Variants in FAM117B observed in about 807,000 individuals in gnomAD.
FAM117B encodes family with sequence similarity 117 member B.
A neutral mutation model predicts 52.8 loss-of-function variants in FAM117B; 22 were observed. That is an observed-to-expected ratio of 0.42 (90% CI 0.30 to 0.59). FAM117B has a LOEUF of 0.59. Among genes scored for constraint, FAM117B ranks in the 20% least tolerant of loss-of-function variants. The pLI is 0.22. For synonymous variants in FAM117B, 309 were observed against 324.1 expected (o/e 0.95, Z 0.50); for missense variants, 678 against 802.6 (o/e 0.84, Z 1.88).
intron 4 of FAM117B, 150 bp from the exon 5 acceptor site, chr2:202,755,388 G>T (rs1691785760): frequency 8.8e-6 from 7 of 799,332 alleles, no homozygotes; most frequent in East Asian, 7.7e-5. Flanking sequence ...TTTCATACAT[G>T]CTAAGGAGCA....
intron 1 of FAM117B, among the ~76,000 whole-genome samples, chr2:202,652,485 A>G (rs1387824833): frequency 6.6e-6 from 1 of 152,194 alleles, no homozygotes; most frequent in Non-Finnish European, 1.5e-5. Flanking sequence ...TTTAGAATTT[A>G]AGAAAGAGAT....
chr2:202,724,051 C>CTTTTTTTTT lies in FAM117B; in HGVS notation c.754-850_754-842dup, dbSNP rs34063266. Among the ~76,000 whole-genome samples the CTTTTTTTTT allele has an allele frequency of 1.1e-4, 10 of 89,796 alleles. 1 individual carries two copies. Among genetic ancestry groups the CTTTTTTTTT allele is most frequent in the African/African-American group, 1.9e-4 (4 of 21,524 alleles). The allele number at this position is 89,796 out of a possible 152,430, so 58.9% of individuals were successfully genotyped here. The stretch of plus-strand genomic sequence containing the variant: ...TTTGGTATAACTACTTAAGGTTTAA[C>CTTTTTTTTT]TTTTTTTTTTTTTTTTTTTTTTTTG... On this transcript the variant is annotated intron_variant, in intron 2 of 7. Transcript: ENST00000392238.
At chr2:202,683,991 C>T (rs901779030) in intron 1 of FAM117B, among the ~76,000 whole-genome samples, 35 of 152,012 alleles carry the variant, frequency 2.3e-4, no homozygotes, top group African/African-American at 7.0e-4. Context: ...CTCAGCCTCC[C>T]GAGCAGCTGG....
chr2:202,757,239 T>G lies in FAM117B; in HGVS notation c.1131T>G (p.Arg377=). Residue 377 remains arginine, a synonymous_variant, in exon 6 of 8, where the codon CGT becomes CGG. Coordinates refer to ENST00000392238, the MANE Select transcript of FAM117B (RefSeq NM_173511.4). ...CGCAAGATATTCCAGATGGCCATCG[T>G]GCTCCACCCCCCCTTGTACAGAGAA... ...LIPQDIPDGH[R]APPPLVQRSS... is the part of the protein sequence containing the mutation. 6.2e-7 allele frequency: 1 copy of G among 1,614,122 alleles called. No homozygotes were observed. Among genetic ancestry groups the G allele is most frequent in the Non-Finnish European group, 8.5e-7 (1 of 1,180,016 alleles).
chr2:202,726,231 G>T lies in FAM117B; in HGVS notation c.847-19G>T. On this transcript the variant is annotated intron_variant, in intron 3 of 7. Transcript: ENST00000392238. ...ATGTAGAAAACACTCTGGTGTACTT[G>T]CTATTTTTGCTTTCTCAGATTGCAA... 6.4e-7 allele frequency: 1 copy of T among 1,566,556 alleles called. No individual in the cohort carries two copies. Among genetic ancestry groups the T allele is most frequent in the African/African-American group, 1.4e-5 (1 of 74,006 alleles).
chr2:202,697,317 C>T (rs913792798), intron 2 of FAM117B, among the ~76,000 whole-genome samples: 2 of 152,130 alleles, frequency 1.3e-5, no homozygotes, highest in African/African-American at 2.4e-5. Flanking sequence ...GCTGTATTTC[C>T]ATGCCCAGGA....
intron 1 of FAM117B, among the ~76,000 whole-genome samples, chr2:202,693,031 C>T (rs555804967): frequency 8.1e-4 from 123 of 152,224 alleles, no homozygotes; most frequent in Middle Eastern, 3.4e-3. Context: ...AAAACAGGTG[C>T]AAGACAGATT....
At chr2:202,646,080 G>A (rs1345649653) in intron 1 of FAM117B, among the ~76,000 whole-genome samples, 1 of 150,160 alleles carries the variant, frequency 6.7e-6, no homozygotes, top group Non-Finnish European at 1.5e-5. Context: ...AGGCTGGAGT[G>A]CAGTGGCACT....
chr2:202,753,776 C>T (rs1691758758), intron 4 of FAM117B, among the ~76,000 whole-genome samples: 1 of 150,672 alleles, frequency 6.6e-6, no homozygotes, highest in South Asian at 2.1e-4. Flanking sequence ...ACATGAAAAA[C>T]TCAACATCAC....
rs116387608 is a variant in FAM117B at position 202,713,511 on chromosome 2, A to T, written c.754-11406A>T. Among the ~76,000 whole-genome samples the T allele has an allele frequency of 3.4e-3, 515 of 152,036 alleles. 5 individuals are homozygous for T. The highest frequency in any genetic ancestry group is 0.012 in the African/African-American group (498 of 41,472). ...TTTTGTATTGTTGTCTTCATGTCAA[A>T]TTCATTTATTTCTGTTCTGATCTCT... On this transcript the variant is annotated intron_variant, in intron 2 of 7. Transcript: ENST00000392238.
intron 1 of FAM117B, among the ~76,000 whole-genome samples, chr2:202,659,767 A>G (rs754089913): frequency 6.6e-5 from 10 of 151,014 alleles, no homozygotes; most frequent in Non-Finnish European, 1.0e-4. Flanking sequence ...GGCACACACT[A>G]CCATGCCCAG....
chr2:202,654,816 ATACTC>A (rs1364930786), intron 1 of FAM117B, among the ~76,000 whole-genome samples: 1 of 152,082 alleles, frequency 6.6e-6, no homozygotes, highest in Non-Finnish European at 1.5e-5. Flanking sequence ...ATAAGATTGA[ATACTC>A]TGTCAAATTT....
chr2:202,721,402 T>C (rs1252430935), intron 2 of FAM117B, among the ~76,000 whole-genome samples: 9 of 152,212 alleles, frequency 5.9e-5, no homozygotes, highest in Non-Finnish European at 1.2e-4. Context: ...ATCCTCTGTT[T>C]TACATGAAAT....
At chr2:202,717,011 G>T (rs1399550919) in intron 2 of FAM117B, among the ~76,000 whole-genome samples, 1 of 152,076 alleles carries the variant, frequency 6.6e-6, no homozygotes, top group Non-Finnish European at 1.5e-5. Flanking sequence ...TCTAGCATTG[G>T]TCTCCGGTTC....
chr2:202,660,622 A>G (rs897972730), intron 1 of FAM117B, among the ~76,000 whole-genome samples: 1 of 152,068 alleles, frequency 6.6e-6, no homozygotes, highest in African/African-American at 2.4e-5. Context: ...GTTCTCCATG[A>G]TTTATTTTCA....
At chr2:202,650,466 A>G (rs180921250) in intron 1 of FAM117B, among the ~76,000 whole-genome samples, 1 of 152,312 alleles carries the variant, frequency 6.6e-6, no homozygotes, top group East Asian at 1.9e-4. Context: ...ATAAAGGAAA[A>G]GGCTCATGTA....
chr2:202,716,584 G>T (rs972303643), intron 2 of FAM117B, among the ~76,000 whole-genome samples: 1 of 151,954 alleles, frequency 6.6e-6, no homozygotes, highest in Non-Finnish European at 1.5e-5. Flanking sequence ...ACAAGGCCCC[G>T]TTTGAATAAA....
intron 1 of FAM117B, among the ~76,000 whole-genome samples, chr2:202,655,222 T>C (rs1242911421): frequency 6.6e-6 from 1 of 152,198 alleles, no homozygotes; most frequent in African/African-American, 2.4e-5. Flanking sequence ...TTTTTATTGC[T>C]GAGTAGTGTT....
chr2:202,655,751 AGAGAGAGAGAGT>A (rs1159486665), intron 1 of FAM117B, among the ~76,000 whole-genome samples: 47 of 132,122 alleles, frequency 3.6e-4, no homozygotes, highest in African/African-American at 1.3e-3. Context: ...AGAGAGAGAG[AGAGAGAGAGAGT>A]GTGTGTGTGT....
Sources: gnomAD v4.1 joint callset for allele counts (sites outside exome capture counted in the v4.1 genomes callset) on GRCh38, gnomAD v4.1.1 for gene constraint, MANE v1.5 for transcripts, NCBI Gene and HGNC (gene_info 2026-07-23, HGNC 2026-07-21) for gene names.